Variants in ERVH48-1 observed in about 807,000 individuals in gnomAD.
ERVH48-1 encodes the protein suppressyn.
A neutral mutation model predicts 2.4 loss-of-function variants in ERVH48-1; 4 were observed. The observed-to-expected ratio is 1.68, with a 90% CI of 0.83 to 3.84. ERVH48-1 has a LOEUF of 3.84. Among genes scored for constraint, ERVH48-1 ranks in the 30% most tolerant of loss-of-function variants. The pLI is 0.01. For missense variants in ERVH48-1, 97 were observed against 43.4 expected (o/e 2.23, Z -3.47); for synonymous variants, 32 against 15.5 (o/e 2.06, Z -2.49).
chr21:42,918,762 G>A lies in ERVH48-1; in HGVS notation c.245C>T (p.Ser82Leu), dbSNP rs1256071980. 3 of 456,534 alleles carry A rather than the reference G, an allele frequency of 6.6e-6. No individual in the cohort carries two copies. Among genetic ancestry groups the A allele is most frequent in the Non-Finnish European group, 1.3e-5 (3 of 226,972 alleles). The allele number at this position is 456,534 out of a possible 1,614,324, so 28.3% of individuals were successfully genotyped here. A position where few individuals can be genotyped will look rare whatever the true frequency, so the allele number is the denominator to read the frequency against. ...YGNLIEECVESGKSYYKVKNL... is the reference protein window; with the variant it reads ...YGNLIEECVELGKSYYKVKNL... Reference sequence around the variant, plus strand: ...CTTTACTTTATAATAACTCTTTCCTGATTCAACACATTCCTCGATTAAGTT... The same window carrying A: ...CTTTACTTTATAATAACTCTTTCCTAATTCAACACATTCCTCGATTAAGTT... Residue 82 changes from serine to leucine, a missense_variant, in exon 2 of 2, where the codon TCA becomes TTA. Coordinates refer to ENST00000447535, the MANE Select transcript of ERVH48-1 (RefSeq NM_001308491.2).
chr21:42,923,275 A>C (rs1180693049), intron 1 of ERVH48-1, among the ~76,000 whole-genome samples: 1 of 152,224 alleles, frequency 6.6e-6, no homozygotes, highest in Non-Finnish European at 1.5e-5. Flanking sequence ...GTGGGCCTGC[A>C]GGGCCTCCCG....
intron 1 of ERVH48-1, among the ~76,000 whole-genome samples, chr21:42,920,281 C>A (rs982351132): frequency 2.6e-5 from 4 of 152,080 alleles, no homozygotes; most frequent in Non-Finnish European, 5.9e-5. Context: ...GAGGAGAGAA[C>A]GAGGACAGGG....
chr21:42,919,542 G>A (rs1019162687), intron 1 of ERVH48-1, among the ~76,000 whole-genome samples: 3 of 152,170 alleles, frequency 2.0e-5, no homozygotes, highest in South Asian at 2.1e-4. Flanking sequence ...GAGACTTCTC[G>A]TACACGACTG....
At chr21:42,923,907 T>C (rs1295663555) in intron 1 of ERVH48-1, among the ~76,000 whole-genome samples, 1 of 152,196 alleles carries the variant, frequency 6.6e-6, no homozygotes, top group Non-Finnish European at 1.5e-5. Context: ...CAGGGTATTC[T>C]GGAAATAAAC....
chr21:42,920,732 G>C (rs1353622779), intron 1 of ERVH48-1, among the ~76,000 whole-genome samples: 1 of 152,152 alleles, frequency 6.6e-6, no homozygotes, highest in Non-Finnish European at 1.5e-5. Context: ...ACCAAGTAAA[G>C]GAGGCATCTG....
At position 42,918,844 on chromosome 21, in the gene ERVH48-1, C is replaced by T; in HGVS notation, c.163G>A (p.Gly55Arg). Residue 55 changes from glycine to arginine, a missense_variant, in exon 2 of 2, where the codon GGG becomes AGG. Transcript: ENST00000447535. ...TAAGTAAAGTATTGTTGCATCTCCC[C>T]TCTGTAGTGCAAAGACTGATAACAC... ...RECYQSLHYRGEMQQYFTYHT... is the reference protein window; with the variant it reads ...RECYQSLHYRREMQQYFTYHT... 1 of 456,944 alleles carries T rather than the reference C, an allele frequency of 2.2e-6. No individual in the cohort carries two copies. Among genetic ancestry groups the T allele is most frequent in the Non-Finnish European group, 4.4e-6 (1 of 227,250 alleles). The allele number at this position is 456,944 out of a possible 1,614,324, so 28.3% of individuals were successfully genotyped here.
At position 42,925,391 on chromosome 21, in the gene ERVH48-1, T is replaced by C; in HGVS notation, c.-331A>G. The C allele has an allele frequency of 2.1e-6, 1 of 483,402 alleles. No individual in the cohort carries two copies. The highest frequency in any genetic ancestry group is 3.8e-6 in the Non-Finnish European group (1 of 261,276). 29.9% of individuals were successfully genotyped at this position (483,402 alleles called of 1,614,324 possible). On this transcript the variant is annotated 5_prime_UTR_variant, in exon 1 of 2. Transcript: ENST00000447535. ...CGATGTGCATGCACAGAGAGGCGAC[T>C]AGAGGCTGAGGAGCTTCCTTTGTCC... is the stretch of plus-strand genomic sequence containing the variant.
At position 42,918,970 on chromosome 21, in the gene ERVH48-1, G is replaced by T; in HGVS notation, c.37C>A (p.Leu13Ile). ...CCCATATTAAGACTTTTGGTTGGAA[G>T]AGAGGTATAGAAAGTGGTTGGGTAG... ...CIYPTTFYTS[L>I]PTKSLNMGIS... The change falls in exon 2 of 2, where the codon CTT becomes ATT. Residue 13 changes from leucine to isoleucine, a missense_variant. Transcript: ENST00000447535. The T allele has an allele frequency of 1.1e-6, 1 of 891,048 alleles. No homozygotes were observed. Among genetic ancestry groups the T allele is most frequent in the Non-Finnish European group, 1.6e-6 (1 of 625,162 alleles). The allele number at this position is 891,048 out of a possible 1,614,324, so 55.2% of individuals were successfully genotyped here. A position where few individuals can be genotyped will look rare whatever the true frequency, so the allele number is the denominator to read the frequency against.
intron 1 of ERVH48-1, among the ~76,000 whole-genome samples, chr21:42,925,118 G>C (rs1462146324): frequency 6.6e-6 from 1 of 152,090 alleles, no homozygotes; most frequent in Non-Finnish European, 1.5e-5. Flanking sequence ...GCTAATTTTT[G>C]TATTTTTAGT....
chr21:42,924,465 A>G (rs906651287), intron 1 of ERVH48-1, among the ~76,000 whole-genome samples: 2 of 151,994 alleles, frequency 1.3e-5, no homozygotes, highest in African/African-American at 4.8e-5. Context: ...GAGGGGGAGG[A>G]TTTGAACAGG....
chr21:42,921,890 T>C (rs2058807093), intron 1 of ERVH48-1, among the ~76,000 whole-genome samples: 1 of 152,060 alleles, frequency 6.6e-6, no homozygotes, highest in African/African-American at 2.4e-5. Context: ...ATCCTTTAGG[T>C]CTAGGACAGA....
At position 42,924,810 on chromosome 21, in the gene ERVH48-1, G is replaced by T. The variant is rs371998229; in HGVS notation, c.-286+536C>A. Among the ~76,000 whole-genome samples, 4 of 152,310 alleles carry T rather than the reference G, an allele frequency of 2.6e-5. No homozygotes were observed. In the East Asian group the frequency reaches 7.7e-4, roughly 29 times the overall value. On this transcript the variant is annotated intron_variant, in intron 1 of 1. Coordinates refer to ENST00000447535, the MANE Select transcript of ERVH48-1 (RefSeq NM_001308491.2). The stretch of plus-strand genomic sequence containing the variant: ...TAGGCTCAGGAGAACGGGAAAAGCA[G>T]ACCGTCCTGGACAGCCGGAGGGAGA...
rs1049314023 is a variant in ERVH48-1, at chr21:42,924,114, G to A, written c.-286+1232C>T. On this transcript the variant is annotated intron_variant, in intron 1 of 1. Coordinates refer to ENST00000447535, the MANE Select transcript of ERVH48-1 (RefSeq NM_001308491.2). ...AAAAGCCGGAAGTGGTTCCTGCTGA[G>A]GGTTTGAAGGGGGAAGGAGGGTTGA... is the stretch of plus-strand genomic sequence containing the variant. Among the ~76,000 whole-genome samples the A allele has an allele frequency of 2.0e-5, 3 of 152,200 alleles. No individual in the cohort carries two copies. In the East Asian group the frequency reaches 5.8e-4, roughly 29 times the overall value.
In ERVH48-1 at chr21:42,918,113, A is replaced by G. The variant is rs1318518898; in HGVS notation, c.*411T>C. Reference sequence around the variant, plus strand: ...GGGTTAGTGGTGTTCGTACAGTACCAGGCCTTTTTTGACAAGACACAATTG... The same window carrying G: ...GGGTTAGTGGTGTTCGTACAGTACCGGGCCTTTTTTGACAAGACACAATTG... On this transcript the variant is annotated 3_prime_UTR_variant, in exon 2 of 2. Transcript: ENST00000447535. The G allele has an allele frequency of 8.9e-6, 2 of 224,708 alleles. No individual in the cohort carries two copies. The allele number at this position is 224,708 out of a possible 1,614,324, so 13.9% of individuals were successfully genotyped here. A position where few individuals can be genotyped will look rare whatever the true frequency, so the allele number is the denominator to read the frequency against.
In ERVH48-1 at chr21:42,925,476, G is replaced by GA. The variant is rs1458997017; in HGVS notation, c.-417dup. ...GGTAGGTCCACTGGGGACGTGGACG[G>GA]AAGCCCCTCGCAGGTTTCAGGGCCA... is the stretch of plus-strand genomic sequence containing the variant. On this transcript the variant is annotated 5_prime_UTR_variant, in exon 1 of 2. Transcript: ENST00000447535. 2.6e-6 allele frequency: 1 copy of GA among 383,864 alleles called. No individual in the cohort carries two copies. Among genetic ancestry groups the GA allele is most frequent in the African/African-American group, 2.2e-5 (1 of 46,196 alleles). 23.8% of individuals were successfully genotyped at this position (383,864 alleles called of 1,614,324 possible). A position where few individuals can be genotyped will look rare whatever the true frequency, so the allele number is the denominator to read the frequency against.
At chr21:42,923,723 T>C (rs560855740) in intron 1 of ERVH48-1, among the ~76,000 whole-genome samples, 5 of 152,286 alleles carry the variant, frequency 3.3e-5, no homozygotes, top group African/African-American at 1.2e-4. Flanking sequence ...ACTGCCTCTG[T>C]GCCAGCAGGC....
chr21:42,925,165 C>T (rs892588117), intron 1 of ERVH48-1, among the ~76,000 whole-genome samples, 181 bp downstream of exon 1: 1 of 152,054 alleles, frequency 6.6e-6, no homozygotes, highest in African/African-American at 2.4e-5. Context: ...AGGCTGGTCT[C>T]GAACTCCTGA....
chr21:42,919,093 C>T lies in ERVH48-1; in HGVS notation c.-87G>A. On this transcript the variant is annotated 5_prime_UTR_variant, in exon 2 of 2. Coordinates refer to ENST00000447535, the MANE Select transcript of ERVH48-1 (RefSeq NM_001308491.2). The stretch of plus-strand genomic sequence containing the variant: ...TTTAAACTTGGTAGGAGAAATTGGC[C>T]CAGACAAACACTTAGCTGTTAATGT... 1 of 1,204,452 alleles carries T rather than the reference C, an allele frequency of 8.3e-7. No homozygotes were observed. Among genetic ancestry groups the T allele is most frequent in the East Asian group, 5.8e-5 (1 of 17,208 alleles). The allele number at this position is 1,204,452 out of a possible 1,614,324, so 74.6% of individuals were successfully genotyped here.
chr21:42,921,524 CT>C (rs983879338), intron 1 of ERVH48-1, among the ~76,000 whole-genome samples: 9 of 152,042 alleles, frequency 5.9e-5, no homozygotes, highest in Admixed American at 3.9e-4. Flanking sequence ...CATGTTTGCG[CT>C]TTTTTAGGGG....
Sources: allele counts gnomAD v4.1 joint callset (sites outside exome capture counted in the v4.1 genomes callset), GRCh38; gene constraint gnomAD v4.1.1; transcripts MANE v1.5; gene names NCBI Gene and HGNC (gene_info 2026-07-23, HGNC 2026-07-21).